The following TPM4 variants were observed in gnomAD, a reference collection of about 807,000 sequenced individuals.
The protein encoded by TPM4 is tropomyosin 4.
TPM4 carries 17 observed loss-of-function variants against 35.8 expected under a neutral mutation model. The ratio of observed to expected loss-of-function variants is 0.47; its 90% CI spans 0.32 to 0.71. TPM4 has a LOEUF of 0.71. Ranked by LOEUF, TPM4 falls within the 30% of genes least tolerant of loss-of-function variation. TPM4 has a pLI of 0.03. For missense variants in TPM4, 240 were observed against 320.9 expected, an observed-to-expected ratio of 0.75 and a Z score of 1.93; for synonymous variants, 120 against 122.9, an observed-to-expected ratio of 0.98 and a Z score of 0.15.
intron 3 of TPM4, among the ~76,000 whole-genome samples, chr19:16,087,742 G>A (rs1030026039): frequency 4.6e-5 from 7 of 151,642 alleles, no homozygotes; most frequent in Non-Finnish European, 7.4e-5. Context: ...TTAGCTGGGC[G>A]TGGTGGCACG....
intron 4 of TPM4, chr19:16,088,839 G>C (rs1056307823): frequency 2.2e-6 from 3 of 1,357,486 alleles, no homozygotes; most frequent in Middle Eastern, 5.0e-4. Flanking sequence ...GGCGCACCTC[G>C]CCTCTGCCTG....
At position 16,083,861 on chromosome 19, in the gene TPM4, C is replaced by T. The variant is rs958887046; in HGVS notation, c.266+1815C>T. On this transcript the variant is annotated intron_variant, in intron 2 of 7. Transcript: ENST00000643579. ...GCAGCCTCGACCTCCTGGGCTCAAG[C>T]GATCCTCCCGCCACGGCCTCCAGAG... 3.3e-5 allele frequency among the ~76,000 whole-genome samples: 5 copies of T among 150,614 alleles called. No homozygotes were observed. The East Asian group carries it at 5.9e-4, about 18-fold the overall frequency.
rs1248551917 is a variant in TPM4 at position 16,102,762 on chromosome 19, G to T, written c.*1416G>T. 8.7e-6 allele frequency: 2 copies of T among 230,824 alleles called. No individual in the cohort carries two copies. Among genetic ancestry groups the T allele is most frequent in the East Asian group, 1.2e-4 (2 of 16,278 alleles). The allele number at this position is 230,824 out of a possible 1,614,324, so 14.3% of individuals were successfully genotyped here. A position where few individuals can be genotyped will look rare whatever the true frequency, so the allele number is the denominator to read the frequency against. On this transcript the variant is annotated 3_prime_UTR_variant, in exon 8 of 8. Coordinates refer to ENST00000643579, the MANE Select transcript of TPM4 (RefSeq NM_003290.3). The stretch of plus-strand genomic sequence containing the variant: ...AACATTCCACATTCCCCAGCAGCGT[G>T]TGGGGGCTGACTAAAGTTTACAATT...
upstream of TPM4, among the ~76,000 whole-genome samples, chr19:16,074,085 A>G (rs961363708): frequency 2.6e-5 from 4 of 151,362 alleles, no homozygotes; most frequent in African/African-American, 9.7e-5. Flanking sequence ...ACATCCACTC[A>G]GGGGTGAGCA....
chr19:16,087,997 G>C, intron 3 of TPM4, 30 bp from the exon 4 acceptor site: 1 of 1,593,278 alleles, frequency 6.3e-7, no homozygotes, highest in Non-Finnish European at 8.5e-7. Flanking sequence ...GGTGGGGATC[G>C]GGCTCAGCTG....
rs1372885874 is a variant in TPM4 at position 16,067,937 on chromosome 19, C to T, written c.114+199C>T. 11 of 533,818 alleles carry T rather than the reference C, an allele frequency of 2.1e-5. No individual in the cohort carries two copies. The highest frequency in any genetic ancestry group is 1.9e-4 in the Admixed American group (5 of 25,966). 33.1% of individuals were successfully genotyped at this position (533,818 alleles called of 1,614,324 possible). ...GGAAGAGGGGTGACGATCGGACCCACCCCCAGCAGGGCCAGTGCGAACAAA... is the reference window on the plus strand; with the variant it reads ...GGAAGAGGGGTGACGATCGGACCCATCCCCAGCAGGGCCAGTGCGAACAAA... On this transcript the variant is annotated intron_variant, in intron 2 of 2. Transcript: ENST00000589897. The surrounding 1 kb of genome is among the most constrained non-coding windows in gnomAD (Gnocchi z 4.1).
chr19:16,101,533 C>CT lies in TPM4; in HGVS notation c.*196dup, dbSNP rs954450951. ...GCACCAGTTAAATCTCATTCCTTCCCTTTTTTTTTCAAATGGCACCAGCTT... is the reference window on the plus strand; with the variant it reads ...GCACCAGTTAAATCTCATTCCTTCCCTTTTTTTTTTCAAATGGCACCAGCTT... On this transcript the variant is annotated 3_prime_UTR_variant, in exon 8 of 8. Transcript: ENST00000643579. The CT allele has an allele frequency of 2.6e-3, 1,102 of 427,980 alleles. No homozygotes were observed. Among genetic ancestry groups the CT allele is most frequent in the South Asian group, 6.1e-3 (118 of 19,238 alleles). 26.5% of individuals were successfully genotyped at this position (427,980 alleles called of 1,614,324 possible).
chr19:16,099,885 TG>T, intron 7 of TPM4: 1 of 152,306 alleles, frequency 6.6e-6, no homozygotes, highest in Middle Eastern at 3.4e-3. Context: ...CGCATTTACC[TG>T]GGGTTTGTCT....
intron 2 of TPM4, among the ~76,000 whole-genome samples, chr19:16,069,128 G>A (rs988536572): frequency 2.6e-5 from 4 of 152,164 alleles, no homozygotes; most frequent in African/African-American, 9.7e-5. Context: ...AGGGTGATGG[G>A]TTTCTGATGG....
intron 5 of TPM4, among the ~76,000 whole-genome samples, chr19:16,091,686 G>A (rs1425549667): frequency 6.6e-6 from 1 of 150,962 alleles, no homozygotes; most frequent in East Asian, 2.0e-4. Flanking sequence ...GAGGTGAGAG[G>A]ATCACTTGAG....
At chr19:16,082,100 T>A in intron 2 of TPM4, 54 bp downstream of exon 2, 1 of 1,563,320 alleles carries the variant, frequency 6.4e-7, no homozygotes, top group South Asian at 1.1e-5. Flanking sequence ...AAAATGGGGA[T>A]CATGCTGCCG....
chr19:16,085,518 A>G (rs563620512), intron 2 of TPM4, among the ~76,000 whole-genome samples: 1 of 152,190 alleles, frequency 6.6e-6, no homozygotes, highest in Non-Finnish European at 1.5e-5. Context: ...GTGAGCTCTC[A>G]GGGCACCACT....
chr19:16,076,418 G>C, upstream of TPM4: 1 of 1,355,596 alleles, frequency 7.4e-7, no homozygotes. Context: ...TCGCCCCGAC[G>C]GCAGCCGGCC....
chr19:16,072,348 G>T (rs1052100298), upstream of TPM4, among the ~76,000 whole-genome samples: 1 of 152,230 alleles, frequency 6.6e-6, no homozygotes, highest in Non-Finnish European at 1.5e-5. Flanking sequence ...AGCTGTAGGC[G>T]TGGCGAAAGC....
At chr19:16,071,019 C>A (rs1384931258) in intron 2 of TPM4, among the ~76,000 whole-genome samples, 1 of 152,148 alleles carries the variant, frequency 6.6e-6, no homozygotes, top group Admixed American at 6.5e-5. Flanking sequence ...GCCACAAGTT[C>A]AAAAAGGAAG....
chr19:16,074,637 C>T (rs1050606169), upstream of TPM4: 1 of 152,260 alleles, frequency 6.6e-6, no homozygotes, highest in Non-Finnish European at 1.5e-5. Flanking sequence ...TTCCAGAAGA[C>T]CTGGGCTCAA....
chr19:16,093,974 T>TTTC (rs1249096374), intron 7 of TPM4, among the ~76,000 whole-genome samples: 297 of 146,388 alleles, frequency 2.0e-3, no homozygotes, highest in Middle Eastern at 6.9e-3. Flanking sequence ...TTTTTTTTTT[T>TTTC]CTATGAGACG....
At chr19:16,092,100 G>A (rs964316409) in intron 5 of TPM4, among the ~76,000 whole-genome samples, 8 of 151,810 alleles carry the variant, frequency 5.3e-5, no homozygotes, top group Non-Finnish European at 1.2e-4. Context: ...CAGCCTGGGA[G>A]GCAGAAGTTG....
At chr19:16,092,309 GC>G (rs2090637249) in intron 5 of TPM4, among the ~76,000 whole-genome samples, 1 of 152,124 alleles carries the variant, frequency 6.6e-6, no homozygotes, top group African/African-American at 2.4e-5. Flanking sequence ...ATCAGGGAGT[GC>G]CTGTCACCCT....
Sources: allele counts gnomAD v4.1 joint callset (sites outside exome capture counted in the v4.1 genomes callset), GRCh38; gene constraint gnomAD v4.1.1; non-coding constraint Gnocchi (gnomAD v3.1); transcripts MANE v1.5; gene names NCBI Gene and HGNC (gene_info 2026-07-23, HGNC 2026-07-21).